KCNK7: variants seen among roughly 807,000 people sequenced by gnomAD.
The protein encoded by KCNK7 is potassium channel subfamily K member 7.
KCNK7 carries 14 observed loss-of-function variants against 18.1 expected under a neutral mutation model. The ratio of observed to expected loss-of-function variants is 0.77; its 90% CI spans 0.51 to 1.21. The LOEUF (loss-of-function observed/expected upper bound fraction) is 1.21, where lower values mean the gene tolerates loss of function less well. Ranked by LOEUF, KCNK7 falls within the 50% of genes most tolerant of loss-of-function variation. KCNK7 has a pLI of 0.00. For missense variants in KCNK7, 385 were observed against 387.3 expected, an observed-to-expected ratio of 0.99 and a Z score of 0.05; for synonymous variants, 188 against 184.7, an observed-to-expected ratio of 1.02 and a Z score of -0.15.
chr11:65,594,010 G>A, intron 1 of KCNK7, 136 bp from the exon 2 acceptor site: 1 of 898,566 alleles, frequency 1.1e-6, no homozygotes, highest in Non-Finnish European at 1.6e-6. Context: ...GGTTCTAGCT[G>A]GCTCTGCTCC....
At chr11:65,594,002 T>A in intron 1 of KCNK7, 128 bp from the exon 2 acceptor site, 15 of 991,412 alleles carry the variant, frequency 1.5e-5, no homozygotes, top group Admixed American at 9.9e-5. Flanking sequence ...CAGGCCCAGG[T>A]TCTAGCTGGC....
chr11:65,593,924 G>C, intron 1 of KCNK7, 50 bp from the exon 2 acceptor site: 2 of 1,491,080 alleles, frequency 1.3e-6, no homozygotes, highest in South Asian at 2.7e-5. Context: ...TGCCATGTCT[G>C]CTGGGGTCCC....
chr11:65,592,943 T>C lies in KCNK7; in HGVS notation c.*62A>G. 1 of 1,556,188 alleles carries C rather than the reference T, an allele frequency of 6.4e-7. No individual in the cohort carries two copies. The highest frequency in any genetic ancestry group is 1.2e-5 in the South Asian group (1 of 83,674). On this transcript the variant is annotated 3_prime_UTR_variant, in exon 3 of 3. Transcript: ENST00000340313. ...CATCTCCAGATTCTTCCCCAGCCACTCCTGGCTGCTTCCTCCTCAGGTGCC... is the reference window on the plus strand; with the variant it reads ...CATCTCCAGATTCTTCCCCAGCCACCCCTGGCTGCTTCCTCCTCAGGTGCC...
Position 65,592,948 on chromosome 11 carries a change from G to C in KCNK7, c.*57C>G. On this transcript the variant is annotated 3_prime_UTR_variant, in exon 3 of 3. Coordinates refer to ENST00000340313, the MANE Select transcript of KCNK7 (RefSeq NM_033347.2). ...CCAGATTCTTCCCCAGCCACTCCTG[G>C]CTGCTTCCTCCTCAGGTGCCGCCAC... 6 of 1,566,868 alleles carry C rather than the reference G, an allele frequency of 3.8e-6. No individual in the cohort carries two copies. The highest frequency in any genetic ancestry group is 5.2e-6 in the Non-Finnish European group (6 of 1,157,526).
At chr11:65,595,392 C>G in intron 1 of KCNK7, 62 bp downstream of exon 1, 3 of 1,326,706 alleles carry the variant, frequency 2.3e-6, no homozygotes, top group Non-Finnish European at 3.0e-6. Context: ...AACCCCAAAG[C>G]CCCCAGGGAG....
chr11:65,595,794 G>A lies in KCNK7; in HGVS notation c.-22C>T, dbSNP rs755929326. The A allele has an allele frequency of 6.9e-7, 1 of 1,453,454 alleles. No individual in the cohort carries two copies. The highest frequency in any genetic ancestry group is 9.2e-7 in the Non-Finnish European group (1 of 1,090,726). 90.0% of individuals were successfully genotyped at this position (1,453,454 alleles called of 1,614,324 possible). On this transcript the variant is annotated 5_prime_UTR_variant, in exon 1 of 3. Transcript: ENST00000340313. ...CCATGGCAGGCCGCTGGGGTGCTGT[G>A]GGAACTGGCGGCTCCACCTCAGGCA...
chr11:65,595,736 G>C lies in KCNK7; in HGVS notation c.37C>G (p.Leu13Val). The C allele has an allele frequency of 6.3e-7, 1 of 1,577,574 alleles. No individual in the cohort carries two copies. The highest frequency in any genetic ancestry group is 1.1e-5 in the South Asian group (1 of 88,344). Residue 13 changes from leucine to valine, a missense_variant, in exon 1 of 3, where the codon CTG becomes GTG. Coordinates refer to ENST00000340313, the MANE Select transcript of KCNK7 (RefSeq NM_033347.2). ...AGGGCCAGCAAGTGGGCCACAACCAGGAGCCCGTATCGGGACCAGGGCCTT... is the reference window on the plus strand; with the variant it reads ...AGGGCCAGCAAGTGGGCCACAACCACGAGCCCGTATCGGGACCAGGGCCTT... ...GLRPWSRYGLLVVAHLLALGL... is the reference protein window; with the variant it reads ...GLRPWSRYGLVVVAHLLALGL...
In KCNK7 at chr11:65,593,725, C is replaced by T; in HGVS notation, c.469G>A (p.Val157Ile). The T allele has an allele frequency of 2.5e-6, 4 of 1,610,396 alleles. No individual in the cohort carries two copies. Among genetic ancestry groups the T allele is most frequent in the Non-Finnish European group, 3.4e-6 (4 of 1,179,500 alleles). Residue 157 changes from valine (V) to isoleucine (I), a missense_variant, in exon 2 of 3, where the codon GTC becomes ATC. Coordinates refer to ENST00000340313, the MANE Select transcript of KCNK7 (RefSeq NM_033347.2). ...CTGGCCGGTGACAGCTGCCAGTGGA[C>T]CGCTACCCAGGCACGTGGGCGGCTG... Reference protein sequence around the residue: ...VLSRPRAWVAVHWQLSPARAA... With the variant: ...VLSRPRAWVAIHWQLSPARAA...
chr11:65,593,045 G>C lies in KCNK7; in HGVS notation c.884C>G (p.Pro295Arg). ...GQDELALSTL[P>R]PAAPASGQAP... ...TTGTCCTGAAGCTGGGGCCGCGGGC[G>C]GCAGGGTGCTCAGAGCCAGTTCATC... Residue 295 changes from proline (P) to arginine (R), a missense_variant, in exon 3 of 3, where the codon CCG becomes CGG. Transcript: ENST00000340313. 6.2e-7 allele frequency: 1 copy of C among 1,613,454 alleles called. No homozygotes were observed. Among genetic ancestry groups the C allele is most frequent in the Non-Finnish European group, 8.5e-7 (1 of 1,179,974 alleles).
At position 65,592,915 on chromosome 11, in the gene KCNK7, C is replaced by T. The variant is rs1305498853; in HGVS notation, c.*90G>A. On this transcript the variant is annotated 3_prime_UTR_variant, in exon 3 of 3. Transcript: ENST00000340313. ...GGCCTCCCGCCCACCCTCACCGCGGCTCCATCTCCAGATTCTTCCCCAGCC... is the reference window on the plus strand; with the variant it reads ...GGCCTCCCGCCCACCCTCACCGCGGTTCCATCTCCAGATTCTTCCCCAGCC... 4 of 1,467,838 alleles carry T rather than the reference C, an allele frequency of 2.7e-6. No homozygotes were observed. Among genetic ancestry groups the T allele is most frequent in the South Asian group, 1.3e-5 (1 of 75,640 alleles). 90.9% of individuals were successfully genotyped at this position (1,467,838 alleles called of 1,614,324 possible).
rs1381000562 is a variant in KCNK7 at position 65,593,683 on chromosome 11, C to A, written c.511G>T (p.Ala171Ser). The change falls in exon 2 of 3, where the codon GCA (alanine) becomes TCA (serine). Residue 171 changes from alanine to serine, a missense_variant. Physicochemically the swap from Ala to Ser is moderately conservative, Grantham distance 99. Transcript: ENST00000340313. The part of the protein sequence containing the change: ...LSPARAALLQ[A>S]VALGLLVASS... ...GCCACCAGCAGTCCCAGTGCAACTGCCTGCAGCAGCGCAGCCCTGGCCGGT... is the reference window on the plus strand; with the variant it reads ...GCCACCAGCAGTCCCAGTGCAACTGACTGCAGCAGCGCAGCCCTGGCCGGT... 6.2e-7 allele frequency: 1 copy of A among 1,606,558 alleles called. No individual in the cohort carries two copies. The highest frequency in any genetic ancestry group is 8.5e-7 in the Non-Finnish European group (1 of 1,179,126).
chr11:65,593,044 C>A lies in KCNK7; in HGVS notation c.885G>T (p.Pro295=), dbSNP rs754516498. Residue 295 remains proline, a synonymous_variant, in exon 3 of 3, where the codon CCG becomes CCT. Transcript: ENST00000340313. ...GQDELALSTL[P]PAAPASGQAP... ...CTTGTCCTGAAGCTGGGGCCGCGGG[C>A]GGCAGGGTGCTCAGAGCCAGTTCAT... 5.6e-6 allele frequency: 9 copies of A among 1,613,510 alleles called. No individual in the cohort carries two copies. The Admixed American group carries it at 8.3e-5, about 15-fold the overall frequency.
Position 65,593,186 on chromosome 11 carries a change from G to A in KCNK7, c.743C>T (p.Ala248Val). ...LLGYLLLGLLAMLLAVETFSE... is the reference protein window; with the variant it reads ...LLGYLLLGLLVMLLAVETFSE... ...GAAGGTCTCCACTGCCAGCAGCATG[G>A]CCAAGAGTCCTAGAAGCAAGTAACC... Residue 248 changes from alanine (A) to valine (V), a missense_variant, in exon 3 of 3, where the codon GCC becomes GTC. Physicochemically the swap from Ala to Val is moderately conservative, Grantham distance 64. Coordinates refer to ENST00000340313, the MANE Select transcript of KCNK7 (RefSeq NM_033347.2). 1.2e-6 allele frequency: 2 copies of A among 1,613,436 alleles called. No individual in the cohort carries two copies. Among genetic ancestry groups the A allele is most frequent in the East Asian group, 2.2e-5 (1 of 44,826 alleles).
In KCNK7 at chr11:65,593,142, G is replaced by C; in HGVS notation, c.787C>G (p.Arg263Gly). Reference sequence around the variant, plus strand: ...GGTCTGAAGAACTTCCCCATGGCACGGACCTGCGGCAGCTCAGAGAAGGTC... The same window carrying C: ...GGTCTGAAGAACTTCCCCATGGCACCGACCTGCGGCAGCTCAGAGAAGGTC... ...VETFSELPQV[R>G]AMGKFFRPSG... is the part of the protein sequence containing the mutation. Residue 263 changes from arginine (R) to glycine (G), a missense_variant, in exon 3 of 3, where the codon CGT becomes GGT. Physicochemically the swap from Arg to Gly is moderately radical, Grantham distance 125. Transcript: ENST00000340313. 1 of 1,613,800 alleles carries C rather than the reference G, an allele frequency of 6.2e-7. No homozygotes were observed.
At chr11:65,594,967 TG>T (rs1854323766) in intron 1 of KCNK7, among the ~76,000 whole-genome samples, 1 of 152,142 alleles carries the variant, frequency 6.6e-6, no homozygotes, top group African/African-American at 2.4e-5. Context: ...TGGGTCTCAT[TG>T]CTGCTTTTCC....
chr11:65,593,948 A>G, intron 1 of KCNK7, 74 bp from the exon 2 acceptor site: 1 of 1,438,716 alleles, frequency 7.0e-7, no homozygotes, highest in South Asian at 1.4e-5. Context: ...CTACCCCAAT[A>G]CTGCCTTCCG....
In KCNK7 at chr11:65,595,686, C is replaced by T. The variant is rs761133797; in HGVS notation, c.87G>A (p.Gln29=). The change falls in exon 1 of 3, where the codon CAG becomes CAA. Residue 29 remains glutamine (Q), a synonymous_variant. Coordinates refer to ENST00000340313, the MANE Select transcript of KCNK7 (RefSeq NM_033347.2). Reference sequence around the variant, plus strand: ...TGCATGCAGGAGGCCCCTCCAGGGCCTGGAACACCACAGCCCCAAGCCCCA... The same window carrying T: ...TGCATGCAGGAGGCCCCTCCAGGGCTTGGAACACCACAGCCCCAAGCCCCA... ...LALGLGAVVF[Q]ALEGPPACRL... The T allele has an allele frequency of 5.2e-5, 83 of 1,602,726 alleles. No individual in the cohort carries two copies. The Middle Eastern group carries it at 8.3e-4, about 16-fold the overall frequency.
In KCNK7 at chr11:65,593,717, C is replaced by T. The variant is rs961778069; in HGVS notation, c.477G>A (p.Trp159Ter). ...SRPRAWVAVHWQLSPARAALL... is the reference protein window; with the variant it reads ...SRPRAWVAVH ...GCGCAGCCCTGGCCGGTGACAGCTG[C>T]CAGTGGACCGCTACCCAGGCACGTG... Residue 159 changes from tryptophan (W) to a stop codon, truncating the protein, a stop_gained, in exon 2 of 3, where the codon TGG (tryptophan) becomes TGA (stop). Coordinates refer to ENST00000340313, the MANE Select transcript of KCNK7 (RefSeq NM_033347.2). LOFTEE classifies it high-confidence loss of function. 12 of 1,609,630 alleles carry T rather than the reference C, an allele frequency of 7.5e-6. No homozygotes were observed. Among genetic ancestry groups the T allele is most frequent in the African/African-American group, 1.3e-5 (1 of 74,924 alleles).
At position 65,595,456 on chromosome 11, in the gene KCNK7, G is replaced by C. The variant is rs1854331731; in HGVS notation, c.317C>G (p.Thr106Arg). Residue 106 changes from threonine (T) to arginine (R), a missense_variant and splice_region_variant, in exon 1 of 3, where the codon ACA (threonine) becomes AGA (arginine). Transcript: ENST00000340313. ...ACTTGGCTGCCTGGCTCTCTTACCT[G>C]TGGTGGTGAGGATGCTGGCAGCGAA... is the stretch of plus-strand genomic sequence containing the variant. The part of the protein sequence containing the change: ...LLFAASILTT[T>R]GYGHMAPLSP... 6.9e-7 allele frequency: 1 copy of C among 1,442,920 alleles called. No individual in the cohort carries two copies. Among genetic ancestry groups the C allele is most frequent in the Non-Finnish European group, 9.2e-7 (1 of 1,084,118 alleles). The allele number at this position is 1,442,920 out of a possible 1,614,324, so 89.4% of individuals were successfully genotyped here. A position where few individuals can be genotyped will look rare whatever the true frequency, so the allele number is the denominator to read the frequency against.
Sources: allele counts gnomAD v4.1 joint callset (sites outside exome capture counted in the v4.1 genomes callset), GRCh38; gene constraint gnomAD v4.1.1; transcripts MANE v1.5; gene names NCBI Gene and HGNC (gene_info 2026-07-23, HGNC 2026-07-21).